ZBTB20: variants seen among roughly 807,000 people sequenced by gnomAD.
ZBTB20 encodes zinc finger and BTB domain containing 20.
ZBTB20 carries 9 observed loss-of-function variants against 56.9 expected under a neutral mutation model. The observed-to-expected ratio is 0.16, with a 90% CI of 0.10 to 0.28. The LOEUF (loss-of-function observed/expected upper bound fraction) is 0.28, where lower values mean the gene tolerates loss of function less well. Ranked by LOEUF, ZBTB20 falls within the 10% of genes least tolerant of loss-of-function variation. ZBTB20 has a pLI of 1.00. For synonymous variants in ZBTB20, 417 were observed against 420.7 expected (o/e 0.99, Z 0.11); for missense variants, 655 against 1,003.0 (o/e 0.65, Z 4.69).
At chr3:115,096,733 T>C (rs1560569558) in intron 1 of ZBTB20, among the ~76,000 whole-genome samples, 2 of 152,234 alleles carry the variant, frequency 1.3e-5, no homozygotes, top group Non-Finnish European at 2.9e-5. Context: ...CTGCTTAGAG[T>C]TGGGCAAGTC....
chr3:114,405,013 T>C (rs566677810), intron 7 of ZBTB20, among the ~76,000 whole-genome samples: 87 of 152,118 alleles, frequency 5.7e-4, no homozygotes, highest in African/African-American at 1.7e-3. Flanking sequence ...CTGGAGTCAC[T>C]GAAACCAGGT....
At chr3:114,424,940 A>G (rs1305408399) in intron 7 of ZBTB20, among the ~76,000 whole-genome samples, 1 of 152,130 alleles carries the variant, frequency 6.6e-6, no homozygotes, top group Non-Finnish European at 1.5e-5. Context: ...CTTTTTTTAA[A>G]TCAATTAAGT....
intron 7 of ZBTB20, among the ~76,000 whole-genome samples, chr3:114,438,990 G>A (rs1044129527): frequency 6.6e-6 from 1 of 152,080 alleles, no homozygotes; most frequent in Admixed American, 6.5e-5. Flanking sequence ...TCTTCCTACG[G>A]TAAGGACACA....
At chr3:114,871,642 T>C (rs899102089) in intron 4 of ZBTB20, among the ~76,000 whole-genome samples, 4 of 152,152 alleles carry the variant, frequency 2.6e-5, no homozygotes, top group Non-Finnish European at 5.9e-5. Context: ...TTTAGGAAGA[T>C]GAAGTTAAGT....
At chr3:115,034,679 T>C (rs968701246) in intron 2 of ZBTB20, among the ~76,000 whole-genome samples, 2 of 151,968 alleles carry the variant, frequency 1.3e-5, no homozygotes, top group East Asian at 3.9e-4. Context: ...ATGTATTCCC[T>C]ATAAAAATCC....
At chr3:114,445,542 TTTG>T (rs2091217670) in intron 7 of ZBTB20, 1 of 152,312 alleles carries the variant, frequency 6.6e-6, no homozygotes. Context: ...GCCTATGCAA[TTTG>T]TTGTTATTTT....
At position 114,442,354 on chromosome 3, in the gene ZBTB20, T is replaced by C. The variant is rs369170659; in HGVS notation, c.-254-53249A>G. Among the ~76,000 whole-genome samples, 18 of 152,272 alleles carry C rather than the reference T, an allele frequency of 1.2e-4. No homozygotes were observed. In the East Asian group the frequency reaches 2.1e-3, roughly 18 times the overall value. ...CCTGGGATTATCTGTACTATCAAGA[T>C]AGGAAAACTTTGCAGATGCTACTGT... is the stretch of plus-strand genomic sequence containing the variant. On this transcript the variant is annotated intron_variant, in intron 7 of 11. Transcript: ENST00000675478.
At chr3:114,459,938 T>C (rs1014989119) in intron 7 of ZBTB20, among the ~76,000 whole-genome samples, 2 of 152,018 alleles carry the variant, frequency 1.3e-5, no homozygotes, top group Non-Finnish European at 2.9e-5. Context: ...TTAAATGCCA[T>C]TTAGGAACAG....
chr3:114,827,079 TA>T (rs2073569349), intron 4 of ZBTB20, among the ~76,000 whole-genome samples: 2 of 151,762 alleles, frequency 1.3e-5, no homozygotes, highest in Non-Finnish European at 3.0e-5. Context: ...AAATTATCTA[TA>T]AAGTCAATTA....
chr3:114,434,954 G>C (rs2090414346), intron 7 of ZBTB20, among the ~76,000 whole-genome samples: 1 of 152,162 alleles, frequency 6.6e-6, no homozygotes, highest in Non-Finnish European at 1.5e-5. Flanking sequence ...AGCGGTTCTA[G>C]CTATTCATAT....
At chr3:114,526,660 T>G (rs961175726) in intron 6 of ZBTB20, among the ~76,000 whole-genome samples, 2 of 152,206 alleles carry the variant, frequency 1.3e-5, no homozygotes, top group Non-Finnish European at 2.9e-5. Context: ...CAGTAATATA[T>G]ACTTCCATAG....
chr3:115,084,629 A>C (rs1034607825), intron 1 of ZBTB20, among the ~76,000 whole-genome samples: 3 of 152,004 alleles, frequency 2.0e-5, no homozygotes, highest in African/African-American at 7.2e-5. Flanking sequence ...ATAGATCCCT[A>C]ATGATCAGAA....
At chr3:114,412,715 C>T (rs1313814522) in intron 7 of ZBTB20, among the ~76,000 whole-genome samples, 1 of 152,142 alleles carries the variant, frequency 6.6e-6, no homozygotes, top group African/African-American at 2.4e-5. Flanking sequence ...GGGCAGCCAG[C>T]CCAACCTAGA....
At chr3:114,746,321 C>A (rs1198722535) in intron 5 of ZBTB20, among the ~76,000 whole-genome samples, 1 of 151,966 alleles carries the variant, frequency 6.6e-6, no homozygotes, top group Non-Finnish European at 1.5e-5. Flanking sequence ...AGTGCTTAAT[C>A]TTTTTTCCCC....
Position 115,127,875 on chromosome 3 carries a change from C to T in ZBTB20, c.-703+19344G>A, listed in dbSNP as rs574560712. ...AGAGTTTATGTTGAAATGAAAGACA[C>T]TTCTTTCCTAAATTATAAGAAACTG... On this transcript the variant is annotated intron_variant, in intron 1 of 11. Transcript: ENST00000675478. Among the ~76,000 whole-genome samples the T allele has an allele frequency of 1.2e-3, 178 of 152,270 alleles. 1 individual carries two copies. Among genetic ancestry groups the T allele is most frequent in the African/African-American group, 4.1e-3 (172 of 41,574 alleles).
At chr3:115,045,627 T>A (rs964955711) in intron 2 of ZBTB20, among the ~76,000 whole-genome samples, 2 of 151,686 alleles carry the variant, frequency 1.3e-5, no homozygotes, top group South Asian at 2.1e-4. Context: ...TATAAAGTTC[T>A]TCAGAACAGC....
chr3:114,342,525 C>T (rs2079861726), intron 11 of ZBTB20, among the ~76,000 whole-genome samples: 1 of 152,152 alleles, frequency 6.6e-6, no homozygotes, highest in African/African-American at 2.4e-5. Flanking sequence ...ATATGAATTC[C>T]ATTTCCTTGG....
intron 8 of ZBTB20, chr3:114,388,569 C>T (rs1439256450): frequency 1.3e-5 from 2 of 152,312 alleles, no homozygotes; most frequent in Non-Finnish European, 2.9e-5. Context: ...GGTTGCAGCT[C>T]AGACAACAGG....
chr3:114,704,912 T>C (rs2108398529), intron 5 of ZBTB20, among the ~76,000 whole-genome samples: 1 of 152,224 alleles, frequency 6.6e-6, no homozygotes, highest in Admixed American at 6.6e-5. Context: ...TCTTTCCCAT[T>C]TTTCCCTTTT....
Sources: gnomAD v4.1 joint callset for allele counts (sites outside exome capture counted in the v4.1 genomes callset) on GRCh38, gnomAD v4.1.1 for gene constraint, MANE v1.5 for transcripts, NCBI Gene and HGNC (gene_info 2026-07-23, HGNC 2026-07-21) for gene names.